USP43: variants seen among roughly 807,000 people sequenced by gnomAD.
The protein encoded by USP43 is ubiquitin specific peptidase 43.
A neutral mutation model predicts 90.7 loss-of-function variants in USP43; 33 were observed. That is an observed-to-expected ratio of 0.36 (90% CI 0.28 to 0.49). The LOEUF (loss-of-function observed/expected upper bound fraction) is 0.49. Among genes scored for constraint, USP43 ranks in the 20% least tolerant of loss-of-function variants. The pLI, the probability that USP43 is intolerant of heterozygous loss-of-function variation, is 0.98. For synonymous variants in USP43, 598 were observed against 615.8 expected (o/e 0.97, Z 0.43); for missense variants, 1,274 against 1,476.4 (o/e 0.86, Z 2.25).
chr17:9,700,994 T>C, intron 10 of USP43, 125 bp from the exon 11 acceptor site: 4 of 1,244,622 alleles, frequency 3.2e-6, no homozygotes, highest in Non-Finnish European at 4.2e-6. Context: ...CAGGAACCCA[T>C]AGGCAGGGCA....
chr17:9,658,185 A>T (rs1912393079), intron 2 of USP43, among the ~76,000 whole-genome samples: 1 of 152,222 alleles, frequency 6.6e-6, no homozygotes, highest in Non-Finnish European at 1.5e-5. Flanking sequence ...AAGTGCTTAG[A>T]TCTTTCAACC....
intron 8 of USP43, 133 bp from the exon 9 acceptor site, chr17:9,692,994 A>C: frequency 1.3e-6 from 1 of 742,922 alleles, no homozygotes; most frequent in African/African-American, 1.8e-5. Flanking sequence ...TTGAATTCTA[A>C]TTATTACGGG....
chr17:9,709,113 T>C lies in USP43; in HGVS notation c.2012-843T>C, dbSNP rs1231074770. 1.3e-5 allele frequency among the ~76,000 whole-genome samples: 2 copies of C among 152,222 alleles called. No individual in the cohort carries two copies. Among genetic ancestry groups the C allele is most frequent in the Non-Finnish European group, 2.9e-5 (2 of 68,038 alleles). ...TTTGCAAACTTCCAGATTACTGGGTTATGCTGTCATTTGCTGACACGTAGA... is the reference window on the plus strand; with the variant it reads ...TTTGCAAACTTCCAGATTACTGGGTCATGCTGTCATTTGCTGACACGTAGA... On this transcript the variant is annotated intron_variant, in intron 12 of 14. Transcript: ENST00000285199. The surrounding 1 kb of genome is among the most constrained non-coding windows in gnomAD (Gnocchi z 5.0).
At position 9,681,478 on chromosome 17, in the gene USP43, A is replaced by ATATATATT. The variant is rs1914269252; in HGVS notation, c.1105+1119_1105+1120insTTATATAT. On this transcript the variant is annotated intron_variant, in intron 6 of 14. Transcript: ENST00000285199. ...TAAAATATATTATATATATATATAT[A>ATATATATT]TATATATATATATATATATATATAT... 5.8e-4 allele frequency among the ~76,000 whole-genome samples: 13 copies of ATATATATT among 22,418 alleles called. 1 individual carries two copies. The highest frequency in any genetic ancestry group is 2.5e-3 in the South Asian group (1 of 406). 14.7% of individuals were successfully genotyped at this position (22,418 alleles called of 152,430 possible).
rs1356115960 is a variant in USP43 at position 9,729,429 on chromosome 17, G to A, written c.*439G>A. The A allele has an allele frequency of 7.0e-6, 1 of 142,912 alleles. No individual in the cohort carries two copies. Among genetic ancestry groups the A allele is most frequent in the Non-Finnish European group, 1.5e-5 (1 of 65,678 alleles). The allele number at this position is 142,912 out of a possible 1,614,324, so 8.9% of individuals were successfully genotyped here. A position where few individuals can be genotyped will look rare whatever the true frequency, so the allele number is the denominator to read the frequency against. ...TAAAGAAAAATATTTTATTTTTAAT[G>A]CTTTTCTGGGATAAGCATTAAAGAT... is the stretch of plus-strand genomic sequence containing the variant. On this transcript the variant is annotated 3_prime_UTR_variant, in exon 15 of 15. Coordinates refer to ENST00000285199, the MANE Select transcript of USP43 (RefSeq NM_153210.5).
intron 4 of USP43, among the ~76,000 whole-genome samples, chr17:9,675,352 T>TGAA (rs1246859980): frequency 2.0e-5 from 3 of 152,108 alleles, no homozygotes; most frequent in Admixed American, 6.5e-5. Flanking sequence ...AAATCTATTT[T>TGAA]CTTCTTTGAG....
chr17:9,684,280 T>A (rs72820048), intron 7 of USP43, among the ~76,000 whole-genome samples: 65 of 152,200 alleles, frequency 4.3e-4, no homozygotes, highest in Non-Finnish European at 8.4e-4. Context: ...TATTTAAAAA[T>A]TTAAACTAAA....
rs1393294942 is a variant in USP43, at chr17:9,701,713, T to C, written c.2011+13T>C. On this transcript the variant is annotated intron_variant, in intron 12 of 14. Coordinates refer to ENST00000285199, the MANE Select transcript of USP43 (RefSeq NM_153210.5). This position sits in a 1 kb window ranked among gnomAD's most constrained non-coding sequence, Gnocchi z 7.2. Reference sequence around the variant, plus strand: ...GGGCATTACACAGGTGAGCCTTGCCTTGCCTTTCTGCAAATGCAGCTGTGG... The same window carrying C: ...GGGCATTACACAGGTGAGCCTTGCCCTGCCTTTCTGCAAATGCAGCTGTGG... The C allele has an allele frequency of 2.6e-6, 4 of 1,510,948 alleles. No homozygotes were observed. The African/African-American group carries it at 4.1e-5, about 16-fold the overall frequency. The allele number at this position is 1,510,948 out of a possible 1,614,324, so 93.6% of individuals were successfully genotyped here.
chr17:9,656,626 A>G, intron 2 of USP43, 92 bp downstream of exon 2: 1 of 1,433,436 alleles, frequency 7.0e-7, no homozygotes, highest in Non-Finnish European at 9.3e-7. Context: ...CTTGAAATTG[A>G]GATTCTTAGA....
rs116529220 is a variant in USP43, at chr17:9,698,627, C to G, written c.1458-1545C>G. Among the ~76,000 whole-genome samples, 128 of 152,318 alleles carry G rather than the reference C, an allele frequency of 8.4e-4. 1 individual carries two copies. Among genetic ancestry groups the G allele is most frequent in the African/African-American group, 3.0e-3 (123 of 41,570 alleles). On this transcript the variant is annotated intron_variant, in intron 9 of 14. Coordinates refer to ENST00000285199, the MANE Select transcript of USP43 (RefSeq NM_153210.5). ...TGGTCTGGGCAGATAATCTCACCCTCTAGTGACAATCTGATTTCCATGTAA... is the reference window on the plus strand; with the variant it reads ...TGGTCTGGGCAGATAATCTCACCCTGTAGTGACAATCTGATTTCCATGTAA...
intron 3 of USP43, among the ~76,000 whole-genome samples, chr17:9,668,389 C>T (rs983491513): frequency 3.3e-5 from 5 of 152,146 alleles, no homozygotes; most frequent in Admixed American, 2.6e-4. Context: ...TAAAACTGCC[C>T]GGAAACTATC....
chr17:9,653,474 G>C (rs988663795), intron 1 of USP43, among the ~76,000 whole-genome samples: 1 of 152,106 alleles, frequency 6.6e-6, no homozygotes, highest in Non-Finnish European at 1.5e-5. Flanking sequence ...TGTAATCCCA[G>C]CTACTCAGGG....
intron 2 of USP43, 28 bp downstream of exon 2, chr17:9,656,562 T>C: frequency 6.4e-7 from 1 of 1,574,538 alleles, no homozygotes; most frequent in Non-Finnish European, 8.6e-7. Flanking sequence ...CAACACAATG[T>C]ACTGGGTTTT....
rs1401597415 is a variant in USP43 at position 9,710,104 on chromosome 17, C to T, written c.2160C>T (p.Ser720=). The change falls in exon 13 of 15, where the codon AGC becomes AGT. Residue 720 remains serine (S), a synonymous_variant. Transcript: ENST00000285199. ...RNSIPPWSAS[S]SMRGSTSSSL... ...GCATCCCTCCCTGGTCAGCCAGCAG[C>T]TCCATGAGAGGTAGGTGCTGCTGCT... 3 of 1,510,148 alleles carry T rather than the reference C, an allele frequency of 2.0e-6. No homozygotes were observed. The highest frequency in any genetic ancestry group is 2.7e-6 in the Non-Finnish European group (3 of 1,128,876). The allele number at this position is 1,510,148 out of a possible 1,614,324, so 93.5% of individuals were successfully genotyped here. A position where few individuals can be genotyped will look rare whatever the true frequency, so the allele number is the denominator to read the frequency against.
intron 9 of USP43, among the ~76,000 whole-genome samples, chr17:9,697,894 G>A (rs1444494127): frequency 6.6e-6 from 1 of 152,128 alleles, no homozygotes; most frequent in African/African-American, 2.4e-5. Flanking sequence ...TCTATTTTTA[G>A]TTCTTTGAGA....
At chr17:9,689,653 G>A (rs997825715) in intron 8 of USP43, among the ~76,000 whole-genome samples, 5 of 151,990 alleles carry the variant, frequency 3.3e-5, no homozygotes, top group East Asian at 3.9e-4. Context: ...GCCTCAAGAA[G>A]TCCTCCCACA....
At chr17:9,689,603 A>G (rs1914808461) in intron 8 of USP43, among the ~76,000 whole-genome samples, 1 of 152,024 alleles carries the variant, frequency 6.6e-6, no homozygotes, top group Admixed American at 6.6e-5. Flanking sequence ...TTGCAGTGAT[A>G]GGGTCTCACT....
intron 12 of USP43, among the ~76,000 whole-genome samples, chr17:9,704,490 AT>A (rs201785484): frequency 0.042 from 6,445 of 151,822 alleles, 182 homozygotes; most frequent in South Asian, 0.087. Context: ...TAATTTTTGT[AT>A]TTTTTAGTAG....
In USP43 at chr17:9,728,108, C is replaced by T. The variant is rs958394081; in HGVS notation, c.2490C>T (p.Val830=). 3.1e-6 allele frequency: 5 copies of T among 1,613,796 alleles called. No homozygotes were observed. The highest frequency in any genetic ancestry group is 2.7e-5 in the African/African-American group (2 of 74,924). Reference sequence around the variant, plus strand: ...AGGAGAAACCACCAGGTGCCTCCGTCGAGTTGGTGGAGTACTTGGAATCCA... The same window carrying T: ...AGGAGAAACCACCAGGTGCCTCCGTTGAGTTGGTGGAGTACTTGGAATCCA... The part of the protein sequence containing the change: ...GSKEKPPGAS[V]ELVEYLESRR... Residue 830 remains valine (V), a synonymous_variant, in exon 15 of 15, where the codon GTC becomes GTT. Transcript: ENST00000285199. The surrounding 1 kb of genome is among the most constrained non-coding windows in gnomAD (Gnocchi z 6.2).
Sources: gnomAD v4.1 joint callset for allele counts (sites outside exome capture counted in the v4.1 genomes callset) on GRCh38, gnomAD v4.1.1 for gene constraint, Gnocchi (gnomAD v3.1) non-coding constraint, MANE v1.5 for transcripts, NCBI Gene and HGNC (gene_info 2026-07-23, HGNC 2026-07-21) for gene names.